The following CRB1 variants were observed in gnomAD, a reference collection of about 807,000 sequenced individuals.
CRB1 encodes the protein protein crumbs homolog 1.
CRB1 carries 83 observed loss-of-function variants against 120.0 expected under a neutral mutation model. That is an observed-to-expected ratio of 0.69 (90% CI 0.58 to 0.83). The LOEUF is 0.83. Among genes scored for constraint, CRB1 ranks in the 40% least tolerant of loss-of-function variants. The pLI, the probability that CRB1 is intolerant of heterozygous loss-of-function variation, is 0.00. For missense variants in CRB1, 1,699 were observed against 1,687.6 expected, an observed-to-expected ratio of 1.01 and a Z score of -0.12; for synonymous variants, 625 against 612.5, an observed-to-expected ratio of 1.02 and a Z score of -0.30.
chr1:197,474,709 G>A (rs567408295), intron 11 of CRB1, among the ~76,000 whole-genome samples: 1 of 152,280 alleles, frequency 6.6e-6, no homozygotes, highest in South Asian at 2.1e-4. Flanking sequence ...GACAAACCAA[G>A]TGATTTTTCT....
rs761199039 is a variant in CRB1, at chr1:197,427,459, G to T, written c.2134G>T (p.Val712Leu). 2.5e-6 allele frequency: 4 copies of T among 1,613,476 alleles called. No homozygotes were observed. Among genetic ancestry groups the T allele is most frequent in the Non-Finnish European group, 3.4e-6 (4 of 1,179,678 alleles). Reference protein sequence around the residue: ...YEGPNCLREYVAGRFGQDDST... With the variant: ...YEGPNCLREYLAGRFGQDDST... ...CCTCTATTTTGACATTGAAGAGTAT[G>T]TGGCAGGCAGATTTGGCCAGGATGA... Residue 712 changes from valine (V) to leucine (L), a missense_variant, in exon 7 of 12, where the codon GTG (valine) becomes TTG (leucine). Val to Leu is a conservative substitution (Grantham distance 32). Transcript: ENST00000367400.
At chr1:197,451,515 A>G (rs938574653) in intron 11 of CRB1, among the ~76,000 whole-genome samples, 4 of 152,192 alleles carry the variant, frequency 2.6e-5, no homozygotes, top group African/African-American at 7.2e-5. Flanking sequence ...AGAATGTGAT[A>G]TTTTTAAATG....
intron 1 of CRB1, among the ~76,000 whole-genome samples, chr1:197,294,371 A>T (rs1279482660): frequency 6.6e-6 from 1 of 152,194 alleles, no homozygotes; most frequent in Non-Finnish European, 1.5e-5. Context: ...ATGAGATACC[A>T]TCTCACACCA....
chr1:197,446,384 A>G (rs1015717332), intron 11 of CRB1, among the ~76,000 whole-genome samples: 2 of 152,096 alleles, frequency 1.3e-5, no homozygotes, highest in African/African-American at 4.8e-5. Flanking sequence ...ATGGCACAGT[A>G]CTGTGTGTTT....
Position 197,421,280 on chromosome 1 carries a change from C to T in CRB1, c.1452C>T (p.Thr484=), listed in dbSNP as rs372844443. The T allele has an allele frequency of 6.8e-6, 11 of 1,614,104 alleles. No homozygotes were observed. The highest frequency in any genetic ancestry group is 9.3e-6 in the Non-Finnish European group (11 of 1,180,050). ...GYTGSLCEIA[T]TLSFEGDGFL... Reference sequence around the variant, plus strand: ...CCGGGTCCCTGTGTGAAATCGCAACCACACTTTCATTTGAGGGCGATGGCT... The same window carrying T: ...CCGGGTCCCTGTGTGAAATCGCAACTACACTTTCATTTGAGGGCGATGGCT... Residue 484 remains threonine (T), a synonymous_variant, in exon 6 of 12, where the codon ACC becomes ACT. Transcript: ENST00000367400.
At chr1:197,420,245 G>A (rs574436489) in intron 5 of CRB1, among the ~76,000 whole-genome samples, 1 of 152,046 alleles carries the variant, frequency 6.6e-6, no homozygotes, top group African/African-American at 2.4e-5. Flanking sequence ...CCCTGGAAAA[G>A]CAACAGCCAC....
intron 11 of CRB1, among the ~76,000 whole-genome samples, chr1:197,473,386 T>C (rs1209635160): frequency 6.6e-6 from 1 of 152,140 alleles, no homozygotes. Flanking sequence ...TTTGACAGTC[T>C]CACCATAGAA....
At chr1:197,205,647 A>T in the CRB1 span, among the ~76,000 whole-genome samples, 1 of 152,036 alleles carries the variant, frequency 6.6e-6, no homozygotes, top group African/African-American at 2.4e-5. Context: ...GGATTTGGTT[A>T]ACTAGTATTT....
At chr1:197,374,722 AATC>A (rs1334880081) in intron 5 of CRB1, among the ~76,000 whole-genome samples, 3 of 152,124 alleles carry the variant, frequency 2.0e-5, no homozygotes, top group African/African-American at 4.8e-5. Flanking sequence ...CATCAAATAA[AATC>A]ATCATTTTTT....
chr1:197,290,305 T>TGTGTGTGTGTGTG (rs1571775751), intron 1 of CRB1, among the ~76,000 whole-genome samples: 9 of 149,368 alleles, frequency 6.0e-5, no homozygotes, highest in East Asian at 2.0e-4. Context: ...TGTGTGTGTG[T>TGTGTGTGTGTGTG]TTGAAGAGAA....
chr1:197,239,694 A>G, the CRB1 span, among the ~76,000 whole-genome samples: 1 of 146,492 alleles, frequency 6.8e-6, no homozygotes, highest in Non-Finnish European at 1.5e-5. Context: ...AATTATTGAT[A>G]CGTTTGGGAA....
chr1:197,376,070 T>A (rs1424196033), intron 5 of CRB1, among the ~76,000 whole-genome samples: 1 of 152,212 alleles, frequency 6.6e-6, no homozygotes, highest in Non-Finnish European at 1.5e-5. Flanking sequence ...ATTTCTTTAT[T>A]TAACATCTGC....
intron 11 of CRB1, chr1:197,443,019 G>A (rs1301861938): frequency 6.5e-6 from 1 of 152,686 alleles, no homozygotes; most frequent in Non-Finnish European, 1.5e-5. Context: ...AGCTACTCAG[G>A]AGGGTGAAGC....
intron 11 of CRB1, among the ~76,000 whole-genome samples, chr1:197,470,740 A>T (rs933228310): frequency 7.9e-5 from 12 of 152,224 alleles, no homozygotes; most frequent in African/African-American, 2.9e-4. Context: ...TTTTCTTGAT[A>T]CTTATTTTTA....
the CRB1 span, among the ~76,000 whole-genome samples, chr1:197,231,056 A>G: frequency 6.6e-6 from 1 of 152,182 alleles, no homozygotes; most frequent in Admixed American, 6.5e-5. Context: ...TTGCTTCCCA[A>G]TTTGGAGAGA....
chr1:197,319,136 G>A (rs1658024796), intron 1 of CRB1, among the ~76,000 whole-genome samples: 2 of 151,116 alleles, frequency 1.3e-5, no homozygotes, highest in African/African-American at 4.9e-5. Context: ...TATATTATTG[G>A]GAAATTCTCT....
the CRB1 span, among the ~76,000 whole-genome samples, chr1:197,261,245 C>T: frequency 1.3e-5 from 2 of 152,066 alleles, no homozygotes; most frequent in African/African-American, 4.8e-5. Flanking sequence ...CTGTATTTGC[C>T]TAAGGTAAAT....
At chr1:197,274,012 T>C (rs1655051669) in intron 1 of CRB1, among the ~76,000 whole-genome samples, 1 of 152,056 alleles carries the variant, frequency 6.6e-6, no homozygotes, top group South Asian at 2.1e-4. Context: ...TGTGTACTAG[T>C]CCGTGTATAT....
At chr1:197,477,053 G>A (rs1013247238) in intron 11 of CRB1, among the ~76,000 whole-genome samples, 1 of 152,188 alleles carries the variant, frequency 6.6e-6, no homozygotes, top group Non-Finnish European at 1.5e-5. Flanking sequence ...TCTGCTGCTA[G>A]ATACTTGGAT....
Sources: allele counts gnomAD v4.1 joint callset (sites outside exome capture counted in the v4.1 genomes callset), GRCh38; gene constraint gnomAD v4.1.1; transcripts MANE v1.5; gene names NCBI Gene and HGNC (gene_info 2026-07-23, HGNC 2026-07-21).